The following GMDS variants were observed in gnomAD, a reference collection of about 807,000 sequenced individuals.
GMDS encodes GDP-mannose 4,6-dehydratase.
In GMDS, 20 loss-of-function variants were observed where a neutral mutation model predicts 49.9. That is an observed-to-expected ratio of 0.40 (90% CI 0.28 to 0.58). GMDS has a LOEUF of 0.58. GMDS is among the 20% of genes least tolerant of loss of function. The probability of loss-of-function intolerance (pLI) is 0.42; values close to 1 mark genes in which losing one functional copy is unlikely to be tolerated. For missense variants in GMDS, 362 were observed against 481.4 expected, an observed-to-expected ratio of 0.75 and a Z score of 2.32; for synonymous variants, 177 against 178.6, an observed-to-expected ratio of 0.99 and a Z score of 0.07.
intron 6 of GMDS, 51 bp from the exon 7 acceptor site, chr6:1,930,281 A>C (rs762195272): frequency 1.9e-6 from 3 of 1,550,490 alleles, no homozygotes; most frequent in Non-Finnish European, 2.6e-6. Context: ...TGACACATTT[A>C]ACAGTTTGGT....
At chr6:2,139,181 T>C (rs115458633) in intron 1 of GMDS, among the ~76,000 whole-genome samples, 5 of 152,344 alleles carry the variant, frequency 3.3e-5, no homozygotes, top group African/African-American at 1.2e-4. Context: ...AAGAACTTCT[T>C]GTACCCCAAA....
intron 7 of GMDS, among the ~76,000 whole-genome samples, chr6:1,913,235 G>C (rs1761165792): frequency 6.6e-6 from 1 of 151,468 alleles, no homozygotes; most frequent in South Asian, 2.1e-4. Context: ...CAAAAAATTA[G>C]CCGGGCGTAG....
chr6:2,164,425 CAGCATTATCTTACAA>C (rs2127548626), intron 1 of GMDS, among the ~76,000 whole-genome samples: 1 of 152,254 alleles, frequency 6.6e-6, no homozygotes, highest in South Asian at 2.1e-4. Flanking sequence ...TGAGTAGACT[CAGCATTATCTTACAA>C]AGCAACTGCC....
chr6:1,868,879 A>T (rs1405037916), intron 7 of GMDS, among the ~76,000 whole-genome samples: 1 of 152,238 alleles, frequency 6.6e-6, no homozygotes, highest in Non-Finnish European at 1.5e-5. Context: ...AATATGTTTA[A>T]AATATTTATT....
rs931034364 is a variant in GMDS at position 1,640,735 on chromosome 6, TG to T, written c.988-16196del. 1.2e-4 allele frequency among the ~76,000 whole-genome samples: 18 copies of T among 152,154 alleles called. No homozygotes were observed. The highest frequency in any genetic ancestry group is 2.5e-4 in the Non-Finnish European group (17 of 67,998). On this transcript the variant is annotated intron_variant, in intron 9 of 10. Coordinates refer to ENST00000380815, the MANE Select transcript of GMDS (RefSeq NM_001500.4). This position sits in a 1 kb window ranked among gnomAD's most constrained non-coding sequence, Gnocchi z 4.0. The stretch of plus-strand genomic sequence containing the variant: ...CACACGGGGAGCTCATGTTCTACTG[TG>T]GGGGCACTGTCAGTAAACAGGCAAT...
chr6:2,204,864 C>G (rs1008195236), intron 1 of GMDS, among the ~76,000 whole-genome samples: 2 of 152,156 alleles, frequency 1.3e-5, no homozygotes, highest in African/African-American at 4.8e-5. Context: ...CTTTTTTAAG[C>G]CCATGCTTGT....
At chr6:1,788,161 G>A (rs1293540806) in intron 7 of GMDS, among the ~76,000 whole-genome samples, 1 of 152,178 alleles carries the variant, frequency 6.6e-6, no homozygotes, top group Non-Finnish European at 1.5e-5. Context: ...TCACAAGTAA[G>A]GGAGACAGAG....
chr6:2,084,530 G>A (rs917293676), intron 4 of GMDS, among the ~76,000 whole-genome samples: 2 of 151,092 alleles, frequency 1.3e-5, no homozygotes, highest in Admixed American at 6.6e-5. Context: ...TTTTTGAGAC[G>A]GAGTCTTGCT....
chr6:1,748,186 G>C (rs1405155948), intron 7 of GMDS, among the ~76,000 whole-genome samples: 1 of 152,090 alleles, frequency 6.6e-6, no homozygotes, highest in African/African-American at 2.4e-5. Flanking sequence ...ATATAAAATC[G>C]AACAGCTCCT....
At chr6:1,950,930 C>T (rs1463549040) in intron 6 of GMDS, among the ~76,000 whole-genome samples, 1 of 152,062 alleles carries the variant, frequency 6.6e-6, no homozygotes, top group Non-Finnish European at 1.5e-5. Context: ...AGAGCCATCC[C>T]GTGCACTGTA....
chr6:2,075,607 T>G (rs1487782643), intron 4 of GMDS, among the ~76,000 whole-genome samples: 1 of 152,240 alleles, frequency 6.6e-6, no homozygotes, highest in Non-Finnish European at 1.5e-5. Context: ...TATGGCTACA[T>G]AGTTTTCCAT....
At chr6:1,914,182 C>T (rs189243556) in intron 7 of GMDS, among the ~76,000 whole-genome samples, 3 of 123,818 alleles carry the variant, frequency 2.4e-5, no homozygotes, top group Admixed American at 9.8e-5. Context: ...TTGGGCTAGG[C>T]GCGGTGGCTC....
chr6:1,714,490 C>T (rs1483835982), intron 9 of GMDS, among the ~76,000 whole-genome samples: 5 of 152,022 alleles, frequency 3.3e-5, no homozygotes, highest in Non-Finnish European at 5.9e-5. Context: ...CTTGGTTCCA[C>T]GATACCAATA....
At chr6:2,106,488 C>T (rs1056770303) in intron 4 of GMDS, among the ~76,000 whole-genome samples, 8 of 151,778 alleles carry the variant, frequency 5.3e-5, no homozygotes, top group African/African-American at 9.7e-5. Context: ...ATTTTGGGGG[C>T]GGGGGAGATA....
At chr6:2,027,716 A>C (rs776823177) in intron 4 of GMDS, among the ~76,000 whole-genome samples, 4 of 152,216 alleles carry the variant, frequency 2.6e-5, no homozygotes, top group Non-Finnish European at 4.4e-5. Context: ...GTAATAATAC[A>C]GACACAGCAA....
At chr6:1,753,438 T>G (rs1767814198) in intron 7 of GMDS, among the ~76,000 whole-genome samples, 1 of 152,134 alleles carries the variant, frequency 6.6e-6, no homozygotes, top group Admixed American at 6.6e-5. Flanking sequence ...CACACAATAA[T>G]AGTGGGAGAC....
intron 1 of GMDS, among the ~76,000 whole-genome samples, chr6:2,211,565 A>T (rs1400319855): frequency 6.6e-6 from 1 of 152,162 alleles, no homozygotes; most frequent in African/African-American, 2.4e-5. Context: ...GTTCAAAATA[A>T]ACCAAAAGGA....
intron 9 of GMDS, among the ~76,000 whole-genome samples, chr6:1,661,847 C>T (rs899511000): frequency 4.0e-5 from 6 of 151,766 alleles, no homozygotes; most frequent in African/African-American, 7.3e-5. Flanking sequence ...AGTGGACAGT[C>T]GGATGTCATT....
intron 7 of GMDS, among the ~76,000 whole-genome samples, chr6:1,816,668 C>T (rs1029714872): frequency 6.6e-6 from 1 of 152,278 alleles, no homozygotes; most frequent in East Asian, 1.9e-4. Flanking sequence ...CAGAAGTGCA[C>T]AGAATTAACA....
Sources: allele counts gnomAD v4.1 joint callset (sites outside exome capture counted in the v4.1 genomes callset), GRCh38; gene constraint gnomAD v4.1.1; non-coding constraint Gnocchi (gnomAD v3.1); transcripts MANE v1.5; gene names NCBI Gene and HGNC (gene_info 2026-07-23, HGNC 2026-07-21).